The following GOLM1 variants were observed in gnomAD, a reference collection of about 807,000 sequenced individuals.
GOLM1 encodes golgi membrane protein 1.
A neutral mutation model predicts 50.5 loss-of-function variants in GOLM1; 31 were observed. The observed-to-expected ratio is 0.61, with a 90% CI of 0.46 to 0.83. GOLM1 has a LOEUF of 0.83. Ranked by LOEUF, GOLM1 falls within the 40% of genes least tolerant of loss-of-function variation. The probability of loss-of-function intolerance (pLI) is 0.00; values close to 1 mark genes in which losing one functional copy is unlikely to be tolerated. For missense variants in GOLM1, 491 were observed against 501.3 expected, an observed-to-expected ratio of 0.98 and a Z score of 0.20; for synonymous variants, 178 against 192.8, an observed-to-expected ratio of 0.92 and a Z score of 0.64.
intron 5 of GOLM1, among the ~76,000 whole-genome samples, chr9:86,041,461 A>G (rs1833347575): frequency 6.6e-6 from 1 of 152,138 alleles, no homozygotes; most frequent in South Asian, 2.1e-4. Flanking sequence ...ACACTCAGAC[A>G]AACTCCGGAC....
Position 86,040,753 on chromosome 9 carries a change from CGTT to C in GOLM1, c.580_582del (p.Asn194del), listed in dbSNP as rs1833317702. On this transcript the variant is annotated inframe_deletion, in exon 6 of 10. Coordinates refer to ENST00000388712, the MANE Select transcript of GOLM1 (RefSeq NM_016548.4). ...TCCCCAGTTACCTGCTGTCTCTGGT[CGTT>C]GTTTTCACTCAGGTCTCTGGAAGCT... is the stretch of plus-strand genomic sequence containing the variant. The C allele has an allele frequency of 5.0e-6, 8 of 1,612,968 alleles. No individual in the cohort carries two copies. The highest frequency in any genetic ancestry group is 1.1e-5 in the South Asian group (1 of 90,732).
chr9:86,088,964 C>CA (rs1313115242), intron 1 of GOLM1, among the ~76,000 whole-genome samples: 5 of 152,128 alleles, frequency 3.3e-5, no homozygotes, highest in South Asian at 2.1e-4. Context: ...CTGGTGGTGA[C>CA]AAAATCTCTC....
chr9:86,027,124 T>TAAAGAAAG lies in GOLM1; in HGVS notation c.*692_*693insCTTTCTTT. The TAAAGAAAG allele has an allele frequency of 1.0e-6, 1 of 985,328 alleles. No homozygotes were observed. Among genetic ancestry groups the TAAAGAAAG allele is most frequent in the South Asian group, 4.7e-5 (1 of 21,290 alleles). 61.0% of individuals were successfully genotyped at this position (985,328 alleles called of 1,614,324 possible). ...TTGCCCACACACGAAGCAAAGTAAA[T>TAAAGAAAG]AAAGACCACAAATGTTCAAATTCTA... On this transcript the variant is annotated 3_prime_UTR_variant, in exon 10 of 10. Coordinates refer to ENST00000388712, the MANE Select transcript of GOLM1 (RefSeq NM_016548.4).
intron 9 of GOLM1, among the ~76,000 whole-genome samples, chr9:86,029,079 G>A (rs1832886707): frequency 1.3e-5 from 2 of 151,842 alleles, no homozygotes; most frequent in Admixed American, 6.6e-5. Context: ...GGATGATCTC[G>A]ATCTCCTGAC....
intron 1 of GOLM1, among the ~76,000 whole-genome samples, chr9:86,098,761 C>A (rs1262994868): frequency 6.6e-6 from 1 of 152,118 alleles, no homozygotes; most frequent in African/African-American, 2.4e-5. Context: ...GTGGATCCTC[C>A]ACGTTGGCAA....
intron 8 of GOLM1, among the ~76,000 whole-genome samples, chr9:86,033,729 C>T (rs111723340): frequency 0.015 from 2,237 of 152,216 alleles, 26 homozygotes; most frequent in Non-Finnish European, 0.023. Context: ...TAGGAAGGAA[C>T]GGATATCTAC....
At chr9:86,088,418 G>GGGTA (rs1835048006) in intron 1 of GOLM1, among the ~76,000 whole-genome samples, 1 of 60,060 alleles carries the variant, frequency 1.7e-5, no homozygotes, top group Admixed American at 2.2e-4. Flanking sequence ...TTTTTGAAGG[G>GGGTA]TGTATATATA....
At chr9:86,088,361 T>C (rs1377188038) in intron 1 of GOLM1, among the ~76,000 whole-genome samples, 4 of 148,300 alleles carry the variant, frequency 2.7e-5, no homozygotes, top group African/African-American at 1.0e-4. Flanking sequence ...TAGCAGTCTA[T>C]CTATTTTGTT....
intron 1 of GOLM1, among the ~76,000 whole-genome samples, chr9:86,088,929 C>T (rs780766589): frequency 3.3e-5 from 5 of 152,088 alleles, no homozygotes; most frequent in Non-Finnish European, 7.4e-5. Context: ...TTAGTGCTTC[C>T]TTTAGGAGCT....
chr9:86,027,189 G>A lies in GOLM1; in HGVS notation c.*628C>T, dbSNP rs549602697. 4 of 984,400 alleles carry A rather than the reference G, an allele frequency of 4.1e-6. No homozygotes were observed. The highest frequency in any genetic ancestry group is 5.2e-4 in the Middle Eastern group (1 of 1,914). The allele number at this position is 984,400 out of a possible 1,614,324, so 61.0% of individuals were successfully genotyped here. A position where few individuals can be genotyped will look rare whatever the true frequency, so the allele number is the denominator to read the frequency against. Reference sequence around the variant, plus strand: ...GTTTTGTACATTAAAAATGACAAGGGTTATTATACAAGTAGCCTTTTAAAA... The same window carrying A: ...GTTTTGTACATTAAAAATGACAAGGATTATTATACAAGTAGCCTTTTAAAA... On this transcript the variant is annotated 3_prime_UTR_variant, in exon 10 of 10. Coordinates refer to ENST00000388712, the MANE Select transcript of GOLM1 (RefSeq NM_016548.4).
At chr9:86,079,618 G>A (rs572218731) in intron 1 of GOLM1, 10 of 297,958 alleles carry the variant, frequency 3.4e-5, no homozygotes, top group African/African-American at 2.1e-4. Flanking sequence ...CTCGAGACCT[G>A]GGGCAAGACA....
intron 3 of GOLM1, among the ~76,000 whole-genome samples, chr9:86,058,849 T>A (rs1372011344): frequency 6.6e-6 from 1 of 151,870 alleles, no homozygotes; most frequent in Non-Finnish European, 1.5e-5. Flanking sequence ...CTACAAAAAT[T>A]AGCCGGATGT....
chr9:86,030,442 T>C (rs919758091), intron 9 of GOLM1, among the ~76,000 whole-genome samples: 3 of 152,156 alleles, frequency 2.0e-5, no homozygotes, highest in African/African-American at 7.2e-5. Flanking sequence ...TCCAAACAAC[T>C]CTGCCAATTG....
At chr9:86,050,804 C>G (rs926463919) in intron 4 of GOLM1, among the ~76,000 whole-genome samples, 1 of 152,040 alleles carries the variant, frequency 6.6e-6, no homozygotes, top group African/African-American at 2.4e-5. Context: ...TTGATCTTTT[C>G]AAAAAACCAG....
chr9:86,090,486 G>A (rs775962143), intron 1 of GOLM1, among the ~76,000 whole-genome samples: 4 of 152,268 alleles, frequency 2.6e-5, no homozygotes, highest in South Asian at 2.1e-4. Context: ...TGGCTTTGCC[G>A]AGCTGCAGTG....
chr9:86,047,452 C>G (rs1473144795), intron 4 of GOLM1, among the ~76,000 whole-genome samples: 1 of 152,036 alleles, frequency 6.6e-6, no homozygotes, highest in Non-Finnish European at 1.5e-5. Flanking sequence ...GGACTCATCC[C>G]AAAAGCACAC....
chr9:86,028,447 C>G (rs1832855970), intron 9 of GOLM1, among the ~76,000 whole-genome samples: 1 of 152,234 alleles, frequency 6.6e-6, no homozygotes, highest in Non-Finnish European at 1.5e-5. Context: ...ATGCTATCCC[C>G]CTTCTGGCTC....
chr9:86,048,482 TC>T (rs1833631694), intron 4 of GOLM1, among the ~76,000 whole-genome samples: 1 of 152,210 alleles, frequency 6.6e-6, no homozygotes, highest in Non-Finnish European at 1.5e-5. Flanking sequence ...TAGTTTACAC[TC>T]CCACCAACAG....
chr9:86,049,972 T>C (rs1052611220), intron 4 of GOLM1, among the ~76,000 whole-genome samples: 3 of 152,244 alleles, frequency 2.0e-5, no homozygotes, highest in South Asian at 4.1e-4. Context: ...CTTCCAGTTT[T>C]TGCCCATTCA....
Sources: gnomAD v4.1 joint callset for allele counts (sites outside exome capture counted in the v4.1 genomes callset) on GRCh38, gnomAD v4.1.1 for gene constraint, MANE v1.5 for transcripts, NCBI Gene and HGNC (gene_info 2026-07-23, HGNC 2026-07-21) for gene names.